Variants in KAT6B observed in about 807,000 individuals in gnomAD.
KAT6B encodes histone acetyltransferase KAT6B.
A neutral mutation model predicts 187.5 loss-of-function variants in KAT6B; 10 were observed. The observed-to-expected ratio is 0.05, with a 90% confidence interval of 0.03 to 0.09. KAT6B has a LOEUF of 0.09. Ranked by LOEUF, KAT6B falls within the 10% of genes least tolerant of loss-of-function variation. The pLI is 1.00. For missense variants in KAT6B, 1,952 were observed against 2,558.9 expected (o/e 0.76, Z 5.12); for synonymous variants, 861 against 926.8 (o/e 0.93, Z 1.29).
chr10:74,964,479 G>A lies in KAT6B; in HGVS notation c.730+4401G>A, dbSNP rs561909406. On this transcript the variant is annotated intron_variant, in intron 4 of 17. Coordinates refer to ENST00000287239, the MANE Select transcript of KAT6B (RefSeq NM_012330.4). ...CTACCACTTCTTTCCACATATTTTT[G>A]TTAGCCCCTTGGTCCTCTCTCCATT... Among the ~76,000 whole-genome samples the A allele has an allele frequency of 2.0e-4, 30 of 151,954 alleles. 1 individual carries two copies. Among genetic ancestry groups the A allele is most frequent in the Admixed American group, 1.2e-3 (19 of 15,282 alleles).
intron 7 of KAT6B, among the ~76,000 whole-genome samples, chr10:74,973,914 C>T (rs1387037083): frequency 6.6e-6 from 1 of 152,184 alleles, no homozygotes; most frequent in African/African-American, 2.4e-5. Context: ...ACTTTCTAAA[C>T]AGAGGACACA....
chr10:74,969,069 T>C (rs1205178333), intron 4 of KAT6B, among the ~76,000 whole-genome samples: 2 of 152,222 alleles, frequency 1.3e-5, no homozygotes, highest in African/African-American at 4.8e-5. Flanking sequence ...CTGCTCCTGC[T>C]TCCAGAGTTT....
At chr10:74,941,675 G>A (rs1016136872) in intron 3 of KAT6B, among the ~76,000 whole-genome samples, 1 of 151,926 alleles carries the variant, frequency 6.6e-6, no homozygotes, top group East Asian at 1.9e-4. Flanking sequence ...AAAGAAATTC[G>A]GTTCATAATT....
intron 3 of KAT6B, among the ~76,000 whole-genome samples, chr10:74,939,759 A>G (rs1849531815): frequency 6.6e-6 from 1 of 152,234 alleles, no homozygotes. Flanking sequence ...TAAACAACTA[A>G]ATTGGCAAAG....
intron 3 of KAT6B, among the ~76,000 whole-genome samples, chr10:74,935,379 CTTTT>C (rs1186477255): frequency 7.2e-6 from 1 of 139,376 alleles, no homozygotes; most frequent in South Asian, 2.4e-4. Flanking sequence ...AACAATATAT[CTTTT>C]TTTTTCATTT....
chr10:74,875,048 T>G (rs1844311419), intron 3 of KAT6B, among the ~76,000 whole-genome samples: 1 of 152,196 alleles, frequency 6.6e-6, no homozygotes, highest in Admixed American at 6.5e-5. Flanking sequence ...AGCCCATAGT[T>G]TACATTAGGG....
At chr10:74,964,170 G>A (rs1215938556) in intron 4 of KAT6B, among the ~76,000 whole-genome samples, 1 of 151,922 alleles carries the variant, frequency 6.6e-6, no homozygotes, top group East Asian at 1.9e-4. Context: ...AAAAGATTGG[G>A]GGTTGGGGGA....
Position 74,843,031 on chromosome 10 carries a change from C to T in KAT6B, c.174C>T (p.Gly58=). The change falls in exon 3 of 18, where the codon GGC becomes GGT. Residue 58 remains glycine (G), a synonymous_variant. Transcript: ENST00000287239. The part of the protein sequence containing the change: ...SEQLELSVQD[G]SVLKVTNKGL... ...AGCTGGAACTCAGTGTTCAGGATGG[C>T]TCAGTTCTCAAAGTCACCAACAAAG... is the stretch of plus-strand genomic sequence containing the variant. The T allele has an allele frequency of 6.2e-7, 1 of 1,614,204 alleles. No homozygotes were observed. Among genetic ancestry groups the T allele is most frequent in the Non-Finnish European group, 8.5e-7 (1 of 1,180,028 alleles).
chr10:74,918,462 C>G (rs979361740), intron 3 of KAT6B, among the ~76,000 whole-genome samples: 2 of 152,196 alleles, frequency 1.3e-5, no homozygotes, highest in Non-Finnish European at 2.9e-5. Context: ...GAATTTCAGG[C>G]TGGGCACGGT....
chr10:74,898,930 C>G (rs1382106405), intron 3 of KAT6B, among the ~76,000 whole-genome samples: 1 of 149,124 alleles, frequency 6.7e-6, no homozygotes. Flanking sequence ...GTGGGTGGAT[C>G]ACTTGAGGTC....
chr10:74,841,798 C>T (rs1047487392), intron 2 of KAT6B, among the ~76,000 whole-genome samples: 1 of 152,134 alleles, frequency 6.6e-6, no homozygotes, highest in Non-Finnish European at 1.5e-5. Flanking sequence ...GGCCCAATTC[C>T]CAGGCCAAGG....
intron 13 of KAT6B, among the ~76,000 whole-genome samples, chr10:75,011,368 C>CTAATT (rs778205765): frequency 5.9e-4 from 90 of 152,236 alleles, no homozygotes; most frequent in Non-Finnish European, 8.7e-4. Flanking sequence ...GAAGACCTTC[C>CTAATT]TCTGCATGCC....
At position 74,898,191 on chromosome 10, in the gene KAT6B, A is replaced by G. The variant is rs1218724900; in HGVS notation, c.621+54713A>G. ...AAAAGCACCTAGGATTTGGATCCTC[A>G]GTGGGTCCAGGAGTACAGCTTCCTT... On this transcript the variant is annotated intron_variant, in intron 3 of 17. Coordinates refer to ENST00000287239, the MANE Select transcript of KAT6B (RefSeq NM_012330.4). Among the ~76,000 whole-genome samples, 6 of 152,192 alleles carry G rather than the reference A, an allele frequency of 3.9e-5. No homozygotes were observed. In the South Asian group the frequency reaches 8.3e-4, roughly 21 times the overall value.
intron 3 of KAT6B, among the ~76,000 whole-genome samples, chr10:74,886,267 G>A (rs1181753768): frequency 6.6e-6 from 1 of 152,178 alleles, no homozygotes; most frequent in Non-Finnish European, 1.5e-5. Context: ...TATGCCCTGC[G>A]ATGTTCTGCT....
At chr10:74,924,579 G>A (rs952583094) in intron 3 of KAT6B, among the ~76,000 whole-genome samples, 37 of 152,290 alleles carry the variant, frequency 2.4e-4, no homozygotes, top group African/African-American at 7.9e-4. Context: ...AGAAAGGGAC[G>A]TTACCCCTGA....
intron 3 of KAT6B, among the ~76,000 whole-genome samples, chr10:74,910,559 C>T (rs1847129676): frequency 6.6e-6 from 1 of 151,926 alleles, no homozygotes; most frequent in South Asian, 2.1e-4. Flanking sequence ...TGCTGATGGT[C>T]ATTGCAATAT....
chr10:74,966,874 A>G (rs367593149), intron 4 of KAT6B, among the ~76,000 whole-genome samples: 1 of 152,156 alleles, frequency 6.6e-6, no homozygotes, highest in East Asian at 1.9e-4. Context: ...AAAAAAATAC[A>G]AAACAATTAG....
rs188946836 is a variant in KAT6B at position 74,934,876 on chromosome 10, A to C, written c.622-25094A>C. Among the ~76,000 whole-genome samples, 367 of 152,042 alleles carry C rather than the reference A, an allele frequency of 2.4e-3. 1 individual carries two copies. Among genetic ancestry groups the C allele is most frequent in the African/African-American group, 8.5e-3 (351 of 41,488 alleles). On this transcript the variant is annotated intron_variant, in intron 3 of 17. Transcript: ENST00000287239. Reference sequence around the variant, plus strand: ...TTCCTCTAACATCCACCCCAATTATACTCACCTCTGCTTCCCACTTCCAAA... The same window carrying C: ...TTCCTCTAACATCCACCCCAATTATCCTCACCTCTGCTTCCCACTTCCAAA...
chr10:74,866,617 G>A (rs576969799), intron 3 of KAT6B, among the ~76,000 whole-genome samples: 2 of 152,052 alleles, frequency 1.3e-5, no homozygotes, highest in Admixed American at 6.6e-5. Context: ...TATCATTATT[G>A]TAAGTGGAAA....
Sources: gnomAD v4.1 joint callset for allele counts (sites outside exome capture counted in the v4.1 genomes callset) on GRCh38, gnomAD v4.1.1 for gene constraint, MANE v1.5 for transcripts, NCBI Gene and HGNC (gene_info 2026-07-23, HGNC 2026-07-21) for gene names.